CSMD1: variants seen among roughly 807,000 people sequenced by gnomAD.
The protein encoded by CSMD1 is CUB and sushi domain-containing protein 1.
CSMD1 carries 213 observed loss-of-function variants against 417.5 expected under a neutral mutation model. That is an observed-to-expected ratio of 0.51 (90% CI 0.46 to 0.57). The LOEUF (loss-of-function observed/expected upper bound fraction) is 0.57, where lower values mean the gene tolerates loss of function less well. Ranked by LOEUF, CSMD1 falls within the 20% of genes least tolerant of loss-of-function variation. The pLI is 0.00. For missense variants in CSMD1, 6,923 were observed against 4,529.7 expected, an observed-to-expected ratio of 1.53 and a Z score of -15.17; for synonymous variants, 2,862 against 1,736.8, an observed-to-expected ratio of 1.65 and a Z score of -16.11.
rs1209016806 is a variant in CSMD1 at position 3,261,466 on chromosome 8, C to G, written c.4153+22678G>C. 2.0e-5 allele frequency among the ~76,000 whole-genome samples: 3 copies of G among 152,246 alleles called. No individual in the cohort carries two copies. In the East Asian group the frequency reaches 5.8e-4, roughly 29 times the overall value. ...AATCCTACAAATCACCACTGAAGAA[C>G]TTACTCGTGTAACCAAATACCACCT... On this transcript the variant is annotated intron_variant, in intron 26 of 69. Transcript: ENST00000635120.
chr8:4,661,489 G>A (rs1411620603), intron 1 of CSMD1, among the ~76,000 whole-genome samples: 1 of 152,118 alleles, frequency 6.6e-6, no homozygotes, highest in Admixed American at 6.5e-5. Context: ...TTAGGCGGTG[G>A]GGTCAGGAGG....
intron 23 of CSMD1, among the ~76,000 whole-genome samples, chr8:3,310,251 C>G (rs1805221185): frequency 6.6e-6 from 1 of 152,164 alleles, no homozygotes; most frequent in South Asian, 2.1e-4. Context: ...CAAAATCCAT[C>G]ATTATTACAG....
At chr8:4,343,333 C>G (rs944468773) in intron 3 of CSMD1, among the ~76,000 whole-genome samples, 1 of 152,034 alleles carries the variant, frequency 6.6e-6, no homozygotes, top group Non-Finnish European at 1.5e-5. Context: ...AGAATGAATA[C>G]ATTCCGGAGA....
chr8:4,550,423 T>C (rs1207293246), intron 2 of CSMD1, among the ~76,000 whole-genome samples: 1 of 151,960 alleles, frequency 6.6e-6, no homozygotes, highest in Non-Finnish European at 1.5e-5. Context: ...GACTCATTTC[T>C]TGGCTATTAA....
chr8:2,974,954 A>T (rs1293473504), intron 55 of CSMD1, among the ~76,000 whole-genome samples: 1 of 152,204 alleles, frequency 6.6e-6, no homozygotes, highest in African/African-American at 2.4e-5. Context: ...CCAAATGAAC[A>T]GTATTATAGG....
chr8:4,603,914 G>T (rs552193658), intron 2 of CSMD1, among the ~76,000 whole-genome samples: 194 of 151,874 alleles, frequency 1.3e-3, no homozygotes, highest in Non-Finnish European at 2.3e-3. Flanking sequence ...GGGGATTTGG[G>T]ATATGATTGT....
chr8:3,191,536 C>A (rs914274996), intron 33 of CSMD1, among the ~76,000 whole-genome samples: 1 of 152,092 alleles, frequency 6.6e-6, no homozygotes, highest in Admixed American at 6.5e-5. Context: ...AAATGGGAGG[C>A]CTTCATTGTT....
intron 10 of CSMD1, among the ~76,000 whole-genome samples, chr8:3,499,081 C>T (rs1796485843): frequency 6.6e-6 from 1 of 152,068 alleles, no homozygotes; most frequent in Non-Finnish European, 1.5e-5. Context: ...TCTTGTGTTC[C>T]TACATTAGTA....
At chr8:3,900,809 T>G (rs144872316) in intron 5 of CSMD1, among the ~76,000 whole-genome samples, 83 of 152,334 alleles carry the variant, frequency 5.4e-4, no homozygotes, top group Admixed American at 3.5e-3. Context: ...TGGTTGACAC[T>G]GCAGCCTTCT....
intron 11 of CSMD1, among the ~76,000 whole-genome samples, chr8:3,484,130 T>C (rs1817892662): frequency 6.6e-6 from 1 of 152,150 alleles, no homozygotes; most frequent in Non-Finnish European, 1.5e-5. Flanking sequence ...AATAGTTAAG[T>C]CTCTTGACAA....
chr8:4,414,029 G>C (rs116327514), intron 3 of CSMD1, among the ~76,000 whole-genome samples: 4,349 of 152,012 alleles, frequency 0.029, 103 homozygotes, highest in African/African-American at 0.067. Context: ...GTGCTAGCAC[G>C]TTCTTGAAAA....
intron 3 of CSMD1, among the ~76,000 whole-genome samples, chr8:4,116,738 G>A (rs1411896551): frequency 1.3e-5 from 2 of 152,018 alleles, no homozygotes; most frequent in Non-Finnish European, 2.9e-5. Flanking sequence ...TAAAAGGGGC[G>A]GCTACGTGGA....
At chr8:4,603,022 A>G (rs1294304470) in intron 2 of CSMD1, among the ~76,000 whole-genome samples, 1 of 152,008 alleles carries the variant, frequency 6.6e-6, no homozygotes, top group Admixed American at 6.6e-5. Context: ...TAAAATATTG[A>G]TTCTCCAACT....
intron 1 of CSMD1, among the ~76,000 whole-genome samples, chr8:4,646,657 C>T (rs1272270175): frequency 6.6e-6 from 1 of 152,154 alleles, no homozygotes; most frequent in South Asian, 2.1e-4. Context: ...TCTGCGTCAA[C>T]AAGGCATATT....
intron 3 of CSMD1, among the ~76,000 whole-genome samples, chr8:4,137,195 T>C (rs1050560073): frequency 6.6e-5 from 10 of 152,192 alleles, no homozygotes; most frequent in African/African-American, 2.4e-4. Flanking sequence ...ATTAGCCTCA[T>C]CTTGCCTGGA....
chr8:4,300,970 T>C (rs1014507277), intron 3 of CSMD1, among the ~76,000 whole-genome samples: 1 of 152,188 alleles, frequency 6.6e-6, no homozygotes. Context: ...GTCTTTACTA[T>C]TGTAAATAGT....
intron 2 of CSMD1, among the ~76,000 whole-genome samples, chr8:4,461,738 C>CTTTTTTTTTTTTTTTTTT (rs1491126522): frequency 1.2e-5 from 1 of 83,856 alleles, no homozygotes; most frequent in African/African-American, 4.1e-5. Flanking sequence ...TATTTATTTA[C>CTTTTTTTTTTTTTTTTTT]TTATTTTTTT....
At chr8:3,268,985 A>C (rs1406465860) in intron 26 of CSMD1, among the ~76,000 whole-genome samples, 1 of 152,200 alleles carries the variant, frequency 6.6e-6, no homozygotes, top group African/African-American at 2.4e-5. Flanking sequence ...CTCCATCCTC[A>C]AGAATAGGAG....
At chr8:3,572,243 G>A (rs1002968810) in intron 10 of CSMD1, among the ~76,000 whole-genome samples, 3 of 152,192 alleles carry the variant, frequency 2.0e-5, no homozygotes, top group African/African-American at 7.2e-5. Flanking sequence ...GTGTCAAAAG[G>A]AGGAGAAGAC....
Sources: gnomAD v4.1 joint callset for allele counts (sites outside exome capture counted in the v4.1 genomes callset) on GRCh38, gnomAD v4.1.1 for gene constraint, MANE v1.5 for transcripts, NCBI Gene and HGNC (gene_info 2026-07-23, HGNC 2026-07-21) for gene names.